The following ADCY3 variants were observed in gnomAD, a reference collection of about 807,000 sequenced individuals.
ADCY3 encodes the protein adenylate cyclase type 3.
A neutral mutation model predicts 119.4 loss-of-function variants in ADCY3; 70 were observed. The ratio of observed to expected loss-of-function variants is 0.59; its 90% CI spans 0.48 to 0.72. ADCY3 has a LOEUF of 0.72. Ranked by LOEUF, ADCY3 falls within the 30% of genes least tolerant of loss-of-function variation. ADCY3 has a pLI of 0.00. For missense variants in ADCY3, 1,238 were observed against 1,541.6 expected, an observed-to-expected ratio of 0.80 and a Z score of 3.30; for synonymous variants, 672 against 621.4, an observed-to-expected ratio of 1.08 and a Z score of -1.21.
chr2:24,918,426 T>C lies in ADCY3; in HGVS notation c.562A>G (p.Ser188Gly), dbSNP rs111295098. ...ACCACGGAGATGATCACGATGGGGC[T>C]GAGGCTGAGGGGCAGCGTGATGAAG... ...SFFITLPLSLSPIVIISVVSC... is the reference protein window; with the variant it reads ...SFFITLPLSLGPIVIISVVSC... Residue 188 changes from serine to glycine, a missense_variant, in exon 2 of 22, where the codon AGC (serine) becomes GGC (glycine). Physicochemically the swap from Ser to Gly is moderately conservative, Grantham distance 56. Transcript: ENST00000679454. The surrounding 1 kb of genome is among the most constrained non-coding windows in gnomAD (Gnocchi z 5.4). 1 of 1,613,812 alleles carries C rather than the reference T, an allele frequency of 6.2e-7. No homozygotes were observed. The highest frequency in any genetic ancestry group is 8.5e-7 in the Non-Finnish European group (1 of 1,179,992).
intron 2 of ADCY3, among the ~76,000 whole-genome samples, chr2:24,917,857 C>T (rs190861845): frequency 1.2e-4 from 18 of 152,322 alleles, no homozygotes; most frequent in Non-Finnish European, 2.1e-4. Context: ...TGACAACAAC[C>T]GTGTCATGCA....
In ADCY3 at chr2:24,918,473, T is replaced by C; in HGVS notation, c.515A>G (p.Gln172Arg). 1 of 1,613,972 alleles carries C rather than the reference T, an allele frequency of 6.2e-7. No individual in the cohort carries two copies. The highest frequency in any genetic ancestry group is 8.5e-7 in the Non-Finnish European group (1 of 1,180,000). ...GAAGAAGGAGAAGACAAAGAAGACC[T>C]GCCAGCCCACCGTGTCACTAGCCGC... ...AHAASDTVGW[Q>R]VFFVFSFFIT... Residue 172 changes from glutamine to arginine, a missense_variant, in exon 2 of 22, where the codon CAG (glutamine) becomes CGG (arginine). Physicochemically the swap from Gln to Arg is conservative, Grantham distance 43 (BLOSUM62 1). This residue lies in a region of ADCY3 where 227 missense variants were observed against 249.3 expected (regional missense o/e 0.91). Coordinates refer to ENST00000679454, the MANE Select transcript of ADCY3 (RefSeq NM_004036.5). The surrounding 1 kb of genome is among the most constrained non-coding windows in gnomAD (Gnocchi z 5.4).
At position 24,827,666 on chromosome 2, in the gene ADCY3, A is replaced by G. The variant is rs1668817256; in HGVS notation, c.2433-58T>C. 5 of 1,536,258 alleles carry G rather than the reference A, an allele frequency of 3.3e-6. No homozygotes were observed. In the South Asian group the frequency reaches 5.9e-5, roughly 18 times the overall value. On this transcript the variant is annotated intron_variant, in intron 14 of 21. Coordinates refer to ENST00000679454, the MANE Select transcript of ADCY3 (RefSeq NM_004036.5). ...ATCTGGGAACAAGAGCCTGATGCCC[A>G]GCCAGGCACCGGGGTATCCCAAGTC...
intron 3 of ADCY3, among the ~76,000 whole-genome samples, chr2:24,846,627 G>A (rs1410155337): frequency 1.3e-5 from 2 of 148,648 alleles, no homozygotes; most frequent in African/African-American, 5.0e-5. Context: ...CCCCCAGGCT[G>A]GAATGCTGTA....
intron 2 of ADCY3, among the ~76,000 whole-genome samples, chr2:24,906,705 CA>C (rs1679481867): frequency 6.6e-6 from 1 of 152,206 alleles, no homozygotes; most frequent in Non-Finnish European, 1.5e-5. Context: ...GAATTGGCAG[CA>C]AATATGTACC....
intron 2 of ADCY3, among the ~76,000 whole-genome samples, chr2:24,880,929 C>T (rs1041203076): frequency 6.6e-6 from 1 of 151,824 alleles, no homozygotes; most frequent in Non-Finnish European, 1.5e-5. Context: ...GCAGGAGAAT[C>T]GCTTGAACCC....
rs565470725 is a variant in ADCY3, at chr2:24,842,776, C to T, written c.826-392G>A. 2.0e-5 allele frequency among the ~76,000 whole-genome samples: 3 copies of T among 152,340 alleles called. No individual in the cohort carries two copies. Among genetic ancestry groups the T allele is most frequent in the East Asian group, 3.9e-4 (2 of 5,168 alleles). The stretch of plus-strand genomic sequence containing the variant: ...ACCCGCCACGGCTGCACAGAGCCAT[C>T]GCTCACAAAATTCTGCTTTGACCTG... On this transcript the variant is annotated intron_variant, in intron 3 of 21. Transcript: ENST00000679454. The surrounding 1 kb of genome is among the most constrained non-coding windows in gnomAD (Gnocchi z 4.9).
intron 2 of ADCY3, among the ~76,000 whole-genome samples, chr2:24,902,744 T>C (rs1679050277): frequency 6.6e-6 from 1 of 152,120 alleles, no homozygotes; most frequent in South Asian, 2.1e-4. Flanking sequence ...CAATATATTT[T>C]CCTGGCCAGG....
chr2:24,832,545 A>C (rs1669743385), intron 11 of ADCY3, among the ~76,000 whole-genome samples: 7 of 152,280 alleles, frequency 4.6e-5, no homozygotes, highest in Admixed American at 3.9e-4. Context: ...CCTCCCTGGA[A>C]GGTGTCCTTG....
intron 19 of ADCY3, 83 bp from the exon 20 acceptor site, chr2:24,821,723 G>C: frequency 6.4e-7 from 1 of 1,560,200 alleles, no homozygotes; most frequent in Non-Finnish European, 8.7e-7. Flanking sequence ...CAGTGTTCTG[G>C]GGGTGGATTC....
intron 11 of ADCY3, among the ~76,000 whole-genome samples, chr2:24,833,716 A>G (rs1572832758): frequency 9.1e-6 from 1 of 110,142 alleles, no homozygotes; most frequent in East Asian, 3.1e-4. Context: ...ATCAATACTT[A>G]TGGAATGAGT....
intron 3 of ADCY3, among the ~76,000 whole-genome samples, chr2:24,846,894 T>C (rs949657807): frequency 6.6e-6 from 1 of 152,230 alleles, no homozygotes; most frequent in Non-Finnish European, 1.5e-5. Flanking sequence ...CTTTTGATTT[T>C]ACAGGCTCAT....
At position 24,893,857 on chromosome 2, in the gene ADCY3, G is replaced by A. The variant is rs2148950306; in HGVS notation, c.676-21138C>T. On this transcript the variant is annotated intron_variant, in intron 2 of 21. Coordinates refer to ENST00000679454, the MANE Select transcript of ADCY3 (RefSeq NM_004036.5). ...TCTTGAGCTCAATCTGTCCTCCTCAGCCTCCCAAAGTGCTGGGATTACAAG... is the reference window on the plus strand; with the variant it reads ...TCTTGAGCTCAATCTGTCCTCCTCAACCTCCCAAAGTGCTGGGATTACAAG... Among the ~76,000 whole-genome samples, 3 of 152,194 alleles carry A rather than the reference G, an allele frequency of 2.0e-5. No homozygotes were observed. The Middle Eastern group carries it at 0.01, about 518-fold the overall frequency.
intron 13 of ADCY3, 148 bp from the exon 14 acceptor site, chr2:24,828,309 A>T: frequency 3.1e-6 from 3 of 952,866 alleles, no homozygotes; most frequent in Middle Eastern, 6.6e-4. Flanking sequence ...TTTACCAGGG[A>T]CTAATCATAT....
intron 2 of ADCY3, among the ~76,000 whole-genome samples, chr2:24,884,604 T>C (rs1676809539): frequency 6.6e-6 from 1 of 150,854 alleles, no homozygotes; most frequent in Non-Finnish European, 1.5e-5. Flanking sequence ...GCCTCCCGAG[T>C]ATCTGGGATT....
chr2:24,902,515 C>T (rs889675577), intron 2 of ADCY3, among the ~76,000 whole-genome samples: 5 of 152,108 alleles, frequency 3.3e-5, no homozygotes, highest in South Asian at 2.1e-4. Context: ...CTCCCAGCCC[C>T]GTGGAGTGTC....
In ADCY3 at chr2:24,878,429, T is replaced by C. The variant is rs531465948; in HGVS notation, c.676-5710A>G. On this transcript the variant is annotated intron_variant, in intron 2 of 21. Transcript: ENST00000679454. This position sits in a 1 kb window ranked among gnomAD's most constrained non-coding sequence, Gnocchi z 4.0. ...TGGCTCTCTTGCCCAAACCAATCTC[T>C]TCCTATAAGCTCATTCCAGCCTGAA... is the stretch of plus-strand genomic sequence containing the variant. Among the ~76,000 whole-genome samples, 1 of 152,198 alleles carries C rather than the reference T, an allele frequency of 6.6e-6. No homozygotes were observed. The highest frequency in any genetic ancestry group is 1.5e-5 in the Non-Finnish European group (1 of 68,006).
chr2:24,853,535 C>T (rs61117682), intron 3 of ADCY3, among the ~76,000 whole-genome samples: 55,900 of 146,764 alleles, frequency 0.38, 11,486 homozygotes, highest in African/African-American at 0.54. Flanking sequence ...AATGGTGCGA[C>T]CTCGGCTCAC....
intron 11 of ADCY3, chr2:24,832,284 C>G (rs1056094562): frequency 1.2e-5 from 2 of 161,452 alleles, no homozygotes; most frequent in South Asian, 3.6e-4. Flanking sequence ...GAGGGAACAA[C>G]TCACAGGTGG....
Sources: gnomAD v4.1 joint callset for allele counts (sites outside exome capture counted in the v4.1 genomes callset) on GRCh38, gnomAD v4.1.1 for gene constraint, gnomAD v4.1.1 regional missense constraint, Gnocchi (gnomAD v3.1) non-coding constraint, MANE v1.5 for transcripts, NCBI Gene and HGNC (gene_info 2026-07-23, HGNC 2026-07-21) for gene names.